Variants in GCFC2 observed in about 807,000 individuals in gnomAD.
The protein encoded by GCFC2 is intron Large complex component GCFC2.
Under a neutral mutation model 99.4 loss-of-function variants are expected in GCFC2, and 102 were observed. The observed-to-expected ratio is 1.03, with a 90% CI of 0.87 to 1.21. GCFC2 has a LOEUF of 1.21. GCFC2 is among the 50% of genes most tolerant of loss of function. The probability of loss-of-function intolerance (pLI) is 0.00; values close to 1 mark genes in which losing one functional copy is unlikely to be tolerated. For synonymous variants in GCFC2, 338 were observed against 316.8 expected (o/e 1.07, Z -0.71); for missense variants, 973 against 920.9 (o/e 1.06, Z -0.73).
chr2:75,676,032 C>G (rs969837551), intron 12 of GCFC2, among the ~76,000 whole-genome samples: 8 of 152,006 alleles, frequency 5.3e-5, no homozygotes, highest in Non-Finnish European at 1.0e-4. Flanking sequence ...ATGGCCTGGA[C>G]AAATGTTGGG....
At chr2:75,692,573 G>A (rs891965411) in intron 6 of GCFC2, among the ~76,000 whole-genome samples, 1 of 151,992 alleles carries the variant, frequency 6.6e-6, no homozygotes, top group African/African-American at 2.4e-5. Context: ...CTTGAACTCT[G>A]GAGGTGGAGG....
At chr2:75,694,566 C>T (rs1282864852) in intron 5 of GCFC2, 139 bp from the exon 6 acceptor site, 5 of 393,996 alleles carry the variant, frequency 1.3e-5, no homozygotes, top group Admixed American at 4.4e-5. Flanking sequence ...GCAAAGAACA[C>T]CACAATAAAA....
In GCFC2 at chr2:75,694,387, C is replaced by T. The variant is rs756219986; in HGVS notation, c.874G>A (p.Glu292Lys). ...LQETHRSHLR[E>K]YEKYVQDVKS... is the part of the protein sequence containing the mutation. ...ACATCTTGTACGTATTTTTCATACTCCCTCAGGTGTGAGCGGTGAGTTTCC... is the reference window on the plus strand; with the variant it reads ...ACATCTTGTACGTATTTTTCATACTTCCTCAGGTGTGAGCGGTGAGTTTCC... Residue 292 changes from glutamate to lysine, a missense_variant, in exon 6 of 17, where the codon GAG becomes AAG. Glu to Lys is a moderately conservative substitution (Grantham distance 56). Transcript: ENST00000321027. 8 of 1,503,650 alleles carry T rather than the reference C, an allele frequency of 5.3e-6. No homozygotes were observed. In the East Asian group the frequency reaches 1.7e-4, roughly 31 times the overall value. 93.1% of individuals were successfully genotyped at this position (1,503,650 alleles called of 1,614,324 possible).
At chr2:75,694,145 G>A (rs1386390027) in intron 6 of GCFC2, 96 bp downstream of exon 6, 2 of 408,000 alleles carry the variant, frequency 4.9e-6, no homozygotes, top group Non-Finnish European at 8.7e-6. Flanking sequence ...AAAAATACTA[G>A]AGAAAAGTAT....
chr2:75,675,361 G>C (rs1428857585), intron 12 of GCFC2, among the ~76,000 whole-genome samples: 1 of 149,976 alleles, frequency 6.7e-6, no homozygotes, highest in African/African-American at 2.5e-5. Context: ...AGTAAATCTT[G>C]GTAAAGGGAA....
chr2:75,668,578 T>TA (rs567318118), intron 15 of GCFC2, among the ~76,000 whole-genome samples: 74 of 152,312 alleles, frequency 4.9e-4, no homozygotes, highest in African/African-American at 1.6e-3. Flanking sequence ...CCCATATTCT[T>TA]AAAAATTCTT....
At position 75,701,219 on chromosome 2, in the gene GCFC2, G is replaced by T; in HGVS notation, c.688C>A (p.Gln230Lys). Residue 230 changes from glutamine to lysine, a missense_variant, in exon 4 of 17, where the codon CAA (glutamine) becomes AAA (lysine). By Grantham distance (53) the Gln-to-Lys change is moderately conservative (BLOSUM62 1). Transcript: ENST00000321027. ...ATGATTTTAACTGCTTTCCTCATTT[G>T]CTGTTGTTCCCAAGTATCTTGCTTT... ...DEKQDTWEQQ[Q>K]MRKAVKIIEE... is the part of the protein sequence containing the mutation. The T allele has an allele frequency of 6.3e-7, 1 of 1,596,458 alleles. No individual in the cohort carries two copies. Among genetic ancestry groups the T allele is most frequent in the Non-Finnish European group, 8.6e-7 (1 of 1,164,010 alleles).
At chr2:75,677,074 A>C (rs1679374403) in intron 12 of GCFC2, among the ~76,000 whole-genome samples, 1 of 152,272 alleles carries the variant, frequency 6.6e-6, no homozygotes, top group Non-Finnish European at 1.5e-5. Flanking sequence ...TTAATCCCTA[A>C]GAACAATCAT....
Position 75,700,421 on chromosome 2 carries a change from T to A in GCFC2, c.717+769A>T, listed in dbSNP as rs578054852. ...AATGAGATTTAATATATAAATGATA[T>A]ATATTATCTATTCACTAGATTGCTA... On this transcript the variant is annotated intron_variant, in intron 4 of 16. Coordinates refer to ENST00000321027, the MANE Select transcript of GCFC2 (RefSeq NM_003203.5). Among the ~76,000 whole-genome samples the A allele has an allele frequency of 2.0e-5, 3 of 152,230 alleles. No individual in the cohort carries two copies. In the South Asian group the frequency reaches 6.2e-4, roughly 32 times the overall value.
At position 75,664,567 on chromosome 2, in the gene GCFC2, A is replaced by G. The variant is rs1195482640; in HGVS notation, c.*99T>C. On this transcript the variant is annotated 3_prime_UTR_variant, in exon 17 of 17. Transcript: ENST00000321027. ...TGCTTTTTTTCAAATCCTACCTTCT[A>G]TTACAGGGAATAAAGAAGAGAGAGG... 9.7e-6 allele frequency: 6 copies of G among 620,304 alleles called. No individual in the cohort carries two copies. Among genetic ancestry groups the G allele is most frequent in the East Asian group, 8.0e-5 (3 of 37,270 alleles). The allele number at this position is 620,304 out of a possible 1,614,324, so 38.4% of individuals were successfully genotyped here.
At chr2:75,699,256 T>C (rs983411574) in intron 4 of GCFC2, among the ~76,000 whole-genome samples, 7 of 152,220 alleles carry the variant, frequency 4.6e-5, no homozygotes, top group Non-Finnish European at 8.8e-5. Flanking sequence ...GCCTTCAATT[T>C]ATCTGTATTA....
intron 14 of GCFC2, 136 bp downstream of exon 14, chr2:75,671,814 T>A: frequency 2.5e-6 from 1 of 393,770 alleles, no homozygotes; most frequent in Non-Finnish European, 4.8e-6. Context: ...CAGAGTTGAG[T>A]AATTCGACAG....
upstream of GCFC2, chr2:75,711,235 G>A: frequency 1.0e-6 from 1 of 984,716 alleles, no homozygotes; most frequent in Non-Finnish European, 1.2e-6. Context: ...AGCCAGATCC[G>A]TTGTCTTTTA....
At position 75,668,459 on chromosome 2, in the gene GCFC2, C is replaced by T. The variant is rs188251740; in HGVS notation, c.2103+1679G>A. Among the ~76,000 whole-genome samples the T allele has an allele frequency of 2.6e-5, 4 of 152,284 alleles. No homozygotes were observed. The East Asian group carries it at 7.7e-4, about 29-fold the overall frequency. ...TTGCAAAAATAAGCTCCTTTCTTTC[C>T]CAGTCTGTCTGCATCTTGTTATTGG... On this transcript the variant is annotated intron_variant, in intron 15 of 16. Coordinates refer to ENST00000321027, the MANE Select transcript of GCFC2 (RefSeq NM_003203.5).
At chr2:75,685,479 C>A (rs1349123783) in intron 11 of GCFC2, among the ~76,000 whole-genome samples, 3 of 152,144 alleles carry the variant, frequency 2.0e-5, no homozygotes, top group Non-Finnish European at 4.4e-5. Context: ...ACAATTCCAA[C>A]AGTTGACCCT....
At chr2:75,703,517 G>C (rs924272526) in intron 2 of GCFC2, among the ~76,000 whole-genome samples, 5 of 152,166 alleles carry the variant, frequency 3.3e-5, no homozygotes, top group Admixed American at 3.3e-4. Flanking sequence ...GAAATCACTA[G>C]AAGTCAATAA....
upstream of GCFC2, chr2:75,711,131 T>G: frequency 8.0e-7 from 1 of 1,246,222 alleles, no homozygotes; most frequent in Non-Finnish European, 1.0e-6. Context: ...TCACGGCCTA[T>G]CCGGTCTGAG....
intron 9 of GCFC2, among the ~76,000 whole-genome samples, chr2:75,689,642 T>C (rs1679971941): frequency 6.6e-6 from 1 of 152,062 alleles, no homozygotes; most frequent in Admixed American, 6.6e-5. Flanking sequence ...TGCTAAAAAG[T>C]TTCACCAAAT....
intron 9 of GCFC2, 50 bp downstream of exon 9, chr2:75,689,919 T>A (rs1322647144): frequency 1.7e-5 from 16 of 936,478 alleles, no homozygotes; most frequent in Non-Finnish European, 2.5e-5. Context: ...AAAGTGTTTC[T>A]CACCATTTCA....
Sources: allele counts gnomAD v4.1 joint callset (sites outside exome capture counted in the v4.1 genomes callset), GRCh38; gene constraint gnomAD v4.1.1; transcripts MANE v1.5; gene names NCBI Gene and HGNC (gene_info 2026-07-23, HGNC 2026-07-21).